MDGA1: variants seen among roughly 807,000 people sequenced by gnomAD.
MDGA1 encodes MAM domain-containing glycosylphosphatidylinositol anchor protein 1.
A neutral mutation model predicts 101.5 loss-of-function variants in MDGA1; 54 were observed. The observed-to-expected ratio is 0.53, with a 90% CI of 0.43 to 0.67. MDGA1 has a LOEUF of 0.67. Among genes scored for constraint, MDGA1 ranks in the 30% least tolerant of loss-of-function variants. The pLI is 0.00. For synonymous variants in MDGA1, 533 were observed against 558.3 expected, an observed-to-expected ratio of 0.95 and a Z score of 0.64; for missense variants, 1,083 against 1,323.8, an observed-to-expected ratio of 0.82 and a Z score of 2.82.
chr6:37,638,959 C>G lies in MDGA1; in HGVS notation c.2537-292G>C. ...CTCCCCAACCCCAAACACACACATG[C>G]ACACACACCCTACCCTTCCCCTCTA... On this transcript the variant is annotated intron_variant, in intron 14 of 16. Transcript: ENST00000434837. The surrounding 1 kb of genome is among the most constrained non-coding windows in gnomAD (Gnocchi z 4.8). 2.8e-6 allele frequency: 1 copy of G among 353,612 alleles called. No homozygotes were observed. 21.9% of individuals were successfully genotyped at this position (353,612 alleles called of 1,614,324 possible).
intron 14 of MDGA1, among the ~76,000 whole-genome samples, chr6:37,643,020 A>C (rs4714088): frequency 0.54 from 82,173 of 152,044 alleles, 23,137 homozygotes; most frequent in South Asian, 0.7. Context: ...GCCCACAAAG[A>C]AGCACCCTTC....
At position 37,666,982 on chromosome 6, in the gene MDGA1, G is replaced by C. The variant is rs76041882; in HGVS notation, c.68-2876C>G. Reference sequence around the variant, plus strand: ...ATGAAGAGAACACTACCAACCCTAAGAACTCACAACGGTAGATGTGATGAT... The same window carrying C: ...ATGAAGAGAACACTACCAACCCTAACAACTCACAACGGTAGATGTGATGAT... On this transcript the variant is annotated intron_variant, in intron 1 of 16. Coordinates refer to ENST00000434837, the MANE Select transcript of MDGA1 (RefSeq NM_153487.4). Among the ~76,000 whole-genome samples the C allele has an allele frequency of 8.8e-3, 1,346 of 152,296 alleles. 24 individuals are homozygous for C. The highest frequency in any genetic ancestry group is 0.031 in the African/African-American group (1,292 of 41,556).
rs763249760 is a variant in MDGA1, at chr6:37,664,069, T to C, written c.105A>G (p.Ala35=). The C allele has an allele frequency of 1.4e-5, 23 of 1,613,870 alleles. No homozygotes were observed. The highest frequency in any genetic ancestry group is 1.9e-5 in the Non-Finnish European group (22 of 1,179,852). Residue 35 remains alanine, a synonymous_variant, in exon 2 of 17, where the codon GCA becomes GCG. Transcript: ENST00000434837. Reference sequence around the variant, plus strand: ...TGATATTGTCCTCTTTCACCACACATGCCTGGCCCGCATGCACGATCTGCG... The same window carrying C: ...TGATATTGTCCTCTTTCACCACACACGCCTGGCCCGCATGCACGATCTGCG... ...AQAQIVHAGQ[A]CVVKEDNISE...
chr6:37,656,569 C>T (rs1272999617), intron 3 of MDGA1, among the ~76,000 whole-genome samples: 1 of 151,870 alleles, frequency 6.6e-6, no homozygotes, highest in Non-Finnish European at 1.5e-5. Context: ...GACAGGGTTT[C>T]ACCATATTGC....
At chr6:37,686,023 C>A (rs754906672) in intron 1 of MDGA1, among the ~76,000 whole-genome samples, 1 of 152,156 alleles carries the variant, frequency 6.6e-6, no homozygotes, top group African/African-American at 2.4e-5. Context: ...CTGCTCATCA[C>A]CCACCCAATA....
At chr6:37,659,053 A>G (rs755995817) in intron 2 of MDGA1, among the ~76,000 whole-genome samples, 5 of 151,810 alleles carry the variant, frequency 3.3e-5, no homozygotes, top group African/African-American at 4.8e-5. Context: ...GAGCCGCCCA[A>G]TGGAGGGGCT....
chr6:37,694,525 C>T (rs944906492), intron 1 of MDGA1, among the ~76,000 whole-genome samples: 10 of 152,156 alleles, frequency 6.6e-5, no homozygotes, highest in African/African-American at 2.4e-4. Flanking sequence ...TACAGAAAGA[C>T]TGCTGGGGAG....
chr6:37,637,660 C>T (rs1041098083), intron 16 of MDGA1, among the ~76,000 whole-genome samples: 4 of 152,088 alleles, frequency 2.6e-5, no homozygotes, highest in Non-Finnish European at 4.4e-5. Flanking sequence ...GCTCAGCCTG[C>T]CAGGGTTCAC....
chr6:37,642,300 C>T (rs953080460), intron 14 of MDGA1, among the ~76,000 whole-genome samples: 19 of 151,490 alleles, frequency 1.3e-4, no homozygotes, highest in African/African-American at 4.4e-4. Context: ...CCTACCTCAG[C>T]CTCCTTACAG....
In MDGA1 at chr6:37,684,230, G is replaced by A. The variant is rs189015169; in HGVS notation, c.67+12515C>T. Among the ~76,000 whole-genome samples the A allele has an allele frequency of 2.0e-5, 3 of 152,350 alleles. No individual in the cohort carries two copies. The East Asian group carries it at 5.8e-4, about 29-fold the overall frequency. On this transcript the variant is annotated intron_variant, in intron 1 of 16. Transcript: ENST00000434837. The stretch of plus-strand genomic sequence containing the variant: ...GAACTTGTAGGCAGTGTGACAAGAT[G>A]TTGGACCCGGTGGAGACTGGCAGCA...
intron 14 of MDGA1, among the ~76,000 whole-genome samples, chr6:37,640,337 A>G (rs1476081832): frequency 2.6e-5 from 4 of 151,552 alleles, no homozygotes; most frequent in Non-Finnish European, 5.9e-5. Context: ...GATACGGAGG[A>G]GTGTAGTGAG....
At chr6:37,692,228 AG>A (rs980052816) in intron 1 of MDGA1, among the ~76,000 whole-genome samples, 9 of 152,290 alleles carry the variant, frequency 5.9e-5, no homozygotes, top group African/African-American at 2.2e-4. Flanking sequence ...GCTGCCGCAC[AG>A]GGCAGGGCCC....
Position 37,652,038 on chromosome 6 carries a change from C to G in MDGA1, c.1285G>C (p.Val429Leu), listed in dbSNP as rs368627991. The change falls in exon 7 of 17, where the codon GTC (valine) becomes CTC (leucine). Residue 429 changes from valine (V) to leucine (L), a missense_variant. By Grantham distance (32) the Val-to-Leu change is conservative. Transcript: ENST00000434837. This position sits in a 1 kb window ranked among gnomAD's most constrained non-coding sequence, Gnocchi z 4.3. ...GTCTCAGAGGAGATGTTGACCTCGA[C>G]GCTGAGGTCGGGCACGGGTGCCCCT... ...FPGAPVPDLS[V>L]EVNISSETVP... 1 of 1,605,238 alleles carries G rather than the reference C, an allele frequency of 6.2e-7. No homozygotes were observed. Among genetic ancestry groups the G allele is most frequent in the Non-Finnish European group, 8.5e-7 (1 of 1,176,946 alleles).
In MDGA1 at chr6:37,644,574, C is replaced by T. The variant is rs767222456; in HGVS notation, c.2324G>A (p.Arg775Gln). 8 of 1,609,196 alleles carry T rather than the reference C, an allele frequency of 5.0e-6. No homozygotes were observed. The highest frequency in any genetic ancestry group is 1.7e-5 in the Admixed American group (1 of 59,406). Residue 775 changes from arginine to glutamine, a missense_variant, in exon 13 of 17, where the codon CGG becomes CAG. By Grantham distance (43) the Arg-to-Gln change is conservative. Coordinates refer to ENST00000434837, the MANE Select transcript of MDGA1 (RefSeq NM_153487.4). ...GGGGTTCTGGGTGAGGGCATTCTGCCGCGTCCAGTCAAAGTTGTCTGTCAG... is the reference window on the plus strand; with the variant it reads ...GGGGTTCTGGGTGAGGGCATTCTGCTGCGTCCAGTCAAAGTTGTCTGTCAG... The part of the protein sequence containing the change: ...QDLTDNFDWT[R>Q]QNALTQNPKR...
In MDGA1 at chr6:37,654,928, T is replaced by C; in HGVS notation, c.584A>G (p.Glu195Gly). The C allele has an allele frequency of 6.2e-7, 1 of 1,613,068 alleles. No individual in the cohort carries two copies. The highest frequency in any genetic ancestry group is 8.5e-7 in the Non-Finnish European group (1 of 1,179,750). ...DIYEPLYTQG[E>G]TKVLKLKNLR... ...GTTCTTCAGCTTCAGGACCTTGGTC[T>C]CCCCCTGGGCAGCAGTGGACCACTG... Residue 195 changes from glutamate (E) to glycine (G), a missense_variant, in exon 5 of 17, where the codon GAG becomes GGG. Glu to Gly is a moderately conservative substitution (Grantham distance 98, BLOSUM62 -2). Around this residue, in one of 3 missense-constraint regions of MDGA1, gnomAD observed 310 missense variants for 355.9 expected, o/e 0.87. Transcript: ENST00000434837.
chr6:37,643,277 C>CA (rs1554132517), intron 14 of MDGA1: 7 of 146,056 alleles, frequency 4.8e-5, no homozygotes, highest in African/African-American at 1.8e-4. Context: ...TTTCTTTTTC[C>CA]TTTTTTTTTT....
In MDGA1 at chr6:37,634,773, C is replaced by G. The variant is rs955311135; in HGVS notation, c.*2595G>C. ...CAGCATCCCCCCATCCCCCCTCCAC[C>G]TTGTGCCCTTCGTCCATAAAGACCA... On this transcript the variant is annotated 3_prime_UTR_variant, in exon 17 of 17. Coordinates refer to ENST00000434837, the MANE Select transcript of MDGA1 (RefSeq NM_153487.4). The surrounding 1 kb of genome is among the most constrained non-coding windows in gnomAD (Gnocchi z 4.7). 7 of 152,934 alleles carry G rather than the reference C, an allele frequency of 4.6e-5. No homozygotes were observed. The highest frequency in any genetic ancestry group is 1.7e-4 in the African/African-American group (7 of 41,462). The allele number at this position is 152,934 out of a possible 1,614,324, so 9.5% of individuals were successfully genotyped here.
intron 3 of MDGA1, among the ~76,000 whole-genome samples, chr6:37,656,738 G>A (rs1761498614): frequency 6.6e-6 from 1 of 152,212 alleles, no homozygotes. Flanking sequence ...ACCTGCATGA[G>A]GGTGTCTAGC....
intron 1 of MDGA1, among the ~76,000 whole-genome samples, chr6:37,695,681 C>A (rs73415435): frequency 0.018 from 2,807 of 152,298 alleles, 36 homozygotes; most frequent in African/African-American, 0.034. Context: ...AACAGGTCAA[C>A]CTCCCCTGGA....
Sources: gnomAD v4.1 joint callset for allele counts (sites outside exome capture counted in the v4.1 genomes callset) on GRCh38, gnomAD v4.1.1 for gene constraint, gnomAD v4.1.1 regional missense constraint, Gnocchi (gnomAD v3.1) non-coding constraint, MANE v1.5 for transcripts, NCBI Gene and HGNC (gene_info 2026-07-23, HGNC 2026-07-21) for gene names.